Variants in WWTR1 observed in about 807,000 individuals in gnomAD.
WWTR1 encodes the protein WW domain containing transcription regulator 1, also known as WW domain-containing transcription regulator protein 1.
A neutral mutation model predicts 40.1 loss-of-function variants in WWTR1; 13 were observed. That is an observed-to-expected ratio of 0.32 (90% confidence interval 0.21 to 0.52). The LOEUF is 0.52. Among genes scored for constraint, WWTR1 ranks in the 20% least tolerant of loss-of-function variants. The probability of loss-of-function intolerance (pLI) is 0.97; values close to 1 mark genes in which losing one functional copy is unlikely to be tolerated. For missense variants in WWTR1, 436 were observed against 523.1 expected (o/e 0.83, Z 1.63); for synonymous variants, 230 against 210.1 (o/e 1.09, Z -0.82).
At chr3:149,644,486 A>T (rs961600803) in intron 2 of WWTR1, among the ~76,000 whole-genome samples, 4 of 152,136 alleles carry the variant, frequency 2.6e-5, no homozygotes, top group Non-Finnish European at 5.9e-5. Flanking sequence ...CAGAGACGTC[A>T]CTTTCTTGAA....
At chr3:149,587,948 AT>A (rs1202286239) in intron 2 of WWTR1, among the ~76,000 whole-genome samples, 1 of 152,212 alleles carries the variant, frequency 6.6e-6, no homozygotes, top group African/African-American at 2.4e-5. Context: ...GAAGAGCAGT[AT>A]ATCAATATGC....
chr3:149,708,152 T>G (rs1015628213), upstream of WWTR1, among the ~76,000 whole-genome samples: 2 of 152,142 alleles, frequency 1.3e-5, no homozygotes, highest in Non-Finnish European at 2.9e-5. Flanking sequence ...ACTGAGTTCA[T>G]GTCTTCCTCA....
At chr3:149,535,526 C>T (rs183903934) in intron 4 of WWTR1, among the ~76,000 whole-genome samples, 2 of 152,196 alleles carry the variant, frequency 1.3e-5, no homozygotes, top group East Asian at 1.9e-4. Flanking sequence ...AAAGAACAAT[C>T]GAAACTGCGA....
intron 2 of WWTR1, among the ~76,000 whole-genome samples, chr3:149,632,813 T>C (rs1711608199): frequency 6.6e-6 from 1 of 152,168 alleles, no homozygotes; most frequent in South Asian, 2.1e-4. Context: ...AGACTACATA[T>C]CATATGATTC....
At chr3:149,681,210 T>C (rs1188019494) in intron 1 of WWTR1, among the ~76,000 whole-genome samples, 1 of 152,228 alleles carries the variant, frequency 6.6e-6, no homozygotes, top group Non-Finnish European at 1.5e-5. Flanking sequence ...CAGAAGTAGA[T>C]GGCTGATTAT....
chr3:149,664,657 C>T (rs1713729459), intron 2 of WWTR1, among the ~76,000 whole-genome samples: 1 of 150,352 alleles, frequency 6.7e-6, no homozygotes. Context: ...GGCGCCATCT[C>T]GGCTCACCGC....
chr3:149,540,337 T>G, intron 4 of WWTR1: 1 of 454,632 alleles, frequency 2.2e-6, no homozygotes, highest in African/African-American at 2.0e-5. Flanking sequence ...CACCTACAGC[T>G]GGAATAAAGG....
chr3:149,621,476 T>C (rs941761012), intron 2 of WWTR1, among the ~76,000 whole-genome samples: 2 of 152,156 alleles, frequency 1.3e-5, no homozygotes, highest in South Asian at 2.1e-4. Context: ...AGTAGCTTGT[T>C]GTATATTCCC....
chr3:149,621,468 T>C (rs1172994602), intron 2 of WWTR1, among the ~76,000 whole-genome samples: 1 of 152,108 alleles, frequency 6.6e-6, no homozygotes, highest in Non-Finnish European at 1.5e-5. Flanking sequence ...TGCACCACAG[T>C]AGCTTGTTGT....
At chr3:149,580,983 T>G (rs1014782792) in intron 2 of WWTR1, among the ~76,000 whole-genome samples, 6 of 152,214 alleles carry the variant, frequency 3.9e-5, no homozygotes, top group Admixed American at 3.3e-4. Context: ...ATTTGCATAA[T>G]GTGGAGTCGG....
chr3:149,579,469 C>T (rs1738043293), intron 2 of WWTR1, among the ~76,000 whole-genome samples: 1 of 151,812 alleles, frequency 6.6e-6, no homozygotes, highest in South Asian at 2.1e-4. Context: ...CTTACTACCT[C>T]CTTTTTTCTC....
At position 149,713,713 on chromosome 3, in the gene WWTR1, C is replaced by T. The variant is rs375217759; in HGVS notation, n.584+3729G>A. 4.7e-4 allele frequency among the ~76,000 whole-genome samples: 71 copies of T among 152,322 alleles called. 2 individuals carry two copies. In the South Asian group the frequency reaches 9.9e-3, roughly 21 times the overall value. ...TGAATTTTTAAATCTGTTTATTTAA[C>T]TTATCTGAGCCAGTTATAAGGATCA... On this transcript the variant is annotated intron_variant and non_coding_transcript_variant, in intron 5 of 6. Transcript: ENST00000474080.
At chr3:149,638,509 T>C (rs1380952568) in intron 2 of WWTR1, among the ~76,000 whole-genome samples, 3 of 152,220 alleles carry the variant, frequency 2.0e-5, no homozygotes, top group Admixed American at 2.0e-4. Context: ...ATGCTAGCTC[T>C]GGGCTTTGGA....
At chr3:149,550,214 T>A (rs1288943150) in intron 3 of WWTR1, among the ~76,000 whole-genome samples, 2 of 152,210 alleles carry the variant, frequency 1.3e-5, no homozygotes, top group East Asian at 3.8e-4. Context: ...GGACACAATC[T>A]TTAAGAGAAA....
intron 2 of WWTR1, among the ~76,000 whole-genome samples, chr3:149,613,528 A>C (rs1036811678): frequency 1.3e-5 from 2 of 152,028 alleles, no homozygotes; most frequent in African/African-American, 4.8e-5. Flanking sequence ...TTGATTTACT[A>C]ACTTATATTC....
chr3:149,568,523 CA>C (rs34414853), intron 3 of WWTR1, among the ~76,000 whole-genome samples: 2,789 of 64,640 alleles, frequency 0.043, 37 homozygotes, highest in Non-Finnish European at 0.067. Flanking sequence ...AATTAAAGTG[CA>C]AAAAAAAAAA....
At chr3:149,619,133 A>G (rs1740145026) in intron 2 of WWTR1, among the ~76,000 whole-genome samples, 1 of 152,104 alleles carries the variant, frequency 6.6e-6, no homozygotes, top group South Asian at 2.1e-4. Flanking sequence ...CATCAGTCAC[A>G]CCTCTTGGAG....
chr3:149,574,951 C>T (rs1038512078), intron 2 of WWTR1, among the ~76,000 whole-genome samples: 4 of 151,784 alleles, frequency 2.6e-5, no homozygotes, highest in African/African-American at 4.8e-5. Flanking sequence ...AAAAAGTAGC[C>T]GGCATGGTGA....
chr3:149,705,965 G>A (rs938332978), upstream of WWTR1, among the ~76,000 whole-genome samples: 1 of 152,190 alleles, frequency 6.6e-6, no homozygotes, highest in African/African-American at 2.4e-5. Flanking sequence ...GCCAAGGCGG[G>A]TGGATTGCTT....
Sources: allele counts gnomAD v4.1 joint callset (sites outside exome capture counted in the v4.1 genomes callset), GRCh38; gene constraint gnomAD v4.1.1; transcripts MANE v1.5; gene names NCBI Gene and HGNC (gene_info 2026-07-23, HGNC 2026-07-21).